The following EFEMP1 variants were observed in gnomAD, a reference collection of about 807,000 sequenced individuals.
The protein encoded by EFEMP1 is EGF-containing fibulin-like extracellular matrix protein 1.
EFEMP1 carries 18 observed loss-of-function variants against 65.7 expected under a neutral mutation model. The observed-to-expected ratio is 0.27, with a 90% CI of 0.19 to 0.41. The LOEUF (loss-of-function observed/expected upper bound fraction) is 0.41, where lower values mean the gene tolerates loss of function less well. EFEMP1 is among the 10% of genes least tolerant of loss of function. The pLI is 1.00. For missense variants in EFEMP1, 469 were observed against 624.8 expected, an observed-to-expected ratio of 0.75 and a Z score of 2.66; for synonymous variants, 237 against 219.7, an observed-to-expected ratio of 1.08 and a Z score of -0.70.
intron 5 of EFEMP1, among the ~76,000 whole-genome samples, chr2:55,915,876 C>T (rs1199883897): frequency 1.3e-5 from 2 of 151,988 alleles, no homozygotes; most frequent in Non-Finnish European, 2.9e-5. Flanking sequence ...ATCATTTTAT[C>T]TCCTTGACAT....
intron 6 of EFEMP1, among the ~76,000 whole-genome samples, chr2:55,880,538 A>G (rs72807775): frequency 0.029 from 4,410 of 152,316 alleles, 124 homozygotes; most frequent in South Asian, 0.14. Flanking sequence ...GCACAGCCCT[A>G]TGGCAGACAG....
In EFEMP1 at chr2:55,883,148, AG is replaced by A. The variant is rs767167374; in HGVS notation, c.518-1415del. ...AGGGAGGGGAGATGAAAAATACTTG[AG>A]TGATGTATGGCTATTTATTGGATAA... On this transcript the variant is annotated intron_variant, in intron 5 of 11. Coordinates refer to ENST00000355426, the MANE Select transcript of EFEMP1 (RefSeq NM_001039348.3). This position sits in a 1 kb window ranked among gnomAD's most constrained non-coding sequence, Gnocchi z 4.5. Among the ~76,000 whole-genome samples, 1 of 152,314 alleles carries A rather than the reference AG, an allele frequency of 6.6e-6. No individual in the cohort carries two copies. Among genetic ancestry groups the A allele is most frequent in the Non-Finnish European group, 1.5e-5 (1 of 68,024 alleles).
intron 5 of EFEMP1, among the ~76,000 whole-genome samples, chr2:55,888,928 G>A (rs778806955): frequency 8.5e-5 from 13 of 152,144 alleles, no homozygotes; most frequent in Non-Finnish European, 1.5e-4. Flanking sequence ...CCTGGTTCCC[G>A]GCCACTTGAT....
intron 5 of EFEMP1, among the ~76,000 whole-genome samples, chr2:55,896,197 G>A (rs1273657788): frequency 6.6e-6 from 1 of 152,168 alleles, no homozygotes; most frequent in African/African-American, 2.4e-5. Flanking sequence ...AACATTTGAC[G>A]CTTCCATAGT....
intron 3 of EFEMP1, among the ~76,000 whole-genome samples, chr2:55,920,766 A>C (rs1479725254): frequency 6.6e-6 from 1 of 152,200 alleles, no homozygotes; most frequent in Non-Finnish European, 1.5e-5. Context: ...CCATTAGTGG[A>C]AGGAAGATGA....
At chr2:55,881,881 AT>A in intron 5 of EFEMP1, 147 bp from the exon 6 acceptor site, 4 of 1,109,376 alleles carry the variant, frequency 3.6e-6, no homozygotes, top group Non-Finnish European at 4.0e-6. Context: ...ATTATAAATT[AT>A]TTCAAGTGTT....
intron 5 of EFEMP1, among the ~76,000 whole-genome samples, chr2:55,889,245 T>G (rs1669544427): frequency 6.6e-6 from 1 of 152,190 alleles, no homozygotes; most frequent in Non-Finnish European, 1.5e-5. Flanking sequence ...TGAAACCAAT[T>G]ACATTATGCT....
Position 55,923,219 on chromosome 2 carries a change from T to G in EFEMP1, c.-48-280A>C, listed in dbSNP as rs1670969922. 6.6e-6 allele frequency among the ~76,000 whole-genome samples: 1 copy of G among 152,136 alleles called. No individual in the cohort carries two copies. The highest frequency in any genetic ancestry group is 6.5e-5 in the Admixed American group (1 of 15,274). ...AGTCTGGGTCCCCGACACGCTACCT[T>G]CGGTTTCAGGCTGCCTAGGACCGGA... On this transcript the variant is annotated intron_variant, in intron 1 of 11. Transcript: ENST00000355426. This position sits in a 1 kb window ranked among gnomAD's most constrained non-coding sequence, Gnocchi z 5.3.
Position 55,883,316 on chromosome 2 carries a change from T to A in EFEMP1, c.518-1582A>T, listed in dbSNP as rs536026436. On this transcript the variant is annotated intron_variant, in intron 5 of 11. Transcript: ENST00000355426. The surrounding 1 kb of genome is among the most constrained non-coding windows in gnomAD (Gnocchi z 4.5). ...TCAAGTCAGTGATTACAAACTGTCC[T>A]TTTTAGGTACTATGCGATGGTGCAA... Among the ~76,000 whole-genome samples the A allele has an allele frequency of 6.6e-6, 1 of 152,346 alleles. No homozygotes were observed. The highest frequency in any genetic ancestry group is 1.9e-4 in the East Asian group (1 of 5,184).
Position 55,874,966 on chromosome 2 carries a change from A to T in EFEMP1, c.980T>A (p.Val327Glu). The T allele has an allele frequency of 6.2e-7, 1 of 1,606,350 alleles. No individual in the cohort carries two copies. Among genetic ancestry groups the T allele is most frequent in the Non-Finnish European group, 8.5e-7 (1 of 1,175,358 alleles). ...CTTACCTTGACATGTTCTACTTCTC[A>T]CCACTTGGTATCCCTGGGGGCACAT... is the stretch of plus-strand genomic sequence containing the variant. ...SCMCPQGYQV[V>E]RSRTCQDINE... The change falls in exon 9 of 12, where the codon GTG (valine) becomes GAG (glutamate). Residue 327 changes from valine to glutamate, a missense_variant. Around this residue, in one of 3 missense-constraint regions of EFEMP1, gnomAD observed 399 missense variants for 528.2 expected, o/e 0.76. Transcript: ENST00000355426.
At chr2:55,897,610 G>C (rs1669876744) in intron 5 of EFEMP1, among the ~76,000 whole-genome samples, 1 of 152,196 alleles carries the variant, frequency 6.6e-6, no homozygotes, top group Non-Finnish European at 1.5e-5. Context: ...TCGAAATCCA[G>C]TTAAAATTCT....
chr2:55,873,048 GTC>G lies in EFEMP1; in HGVS notation c.1000+1896_1000+1897del, dbSNP rs963201128. ...TGTCTATGTGTATGTGTATTCTTTTGTCTCTCTGTCTCTCTCTCCACACACAC... is the reference window on the plus strand; with the variant it reads ...TGTCTATGTGTATGTGTATTCTTTTGTCTCTGTCTCTCTCTCCACACACAC... On this transcript the variant is annotated intron_variant, in intron 9 of 11. Coordinates refer to ENST00000355426, the MANE Select transcript of EFEMP1 (RefSeq NM_001039348.3). The surrounding 1 kb of genome is among the most constrained non-coding windows in gnomAD (Gnocchi z 4.6). Among the ~76,000 whole-genome samples, 4 of 121,226 alleles carry G rather than the reference GTC, an allele frequency of 3.3e-5. No homozygotes were observed. Among genetic ancestry groups the G allele is most frequent in the African/African-American group, 1.3e-4 (4 of 30,784 alleles). The allele number at this position is 121,226 out of a possible 152,430, so 79.5% of individuals were successfully genotyped here.
At position 55,888,715 on chromosome 2, in the gene EFEMP1, G is replaced by A. The variant is rs372648917; in HGVS notation, c.518-6981C>T. Among the ~76,000 whole-genome samples the A allele has an allele frequency of 2.0e-5, 3 of 152,234 alleles. No homozygotes were observed. In the East Asian group the frequency reaches 5.8e-4, roughly 29 times the overall value. ...ATTCATCAGTCTGCTACCTTGTGGA[G>A]GTAAACCTGTATTTTGAAACAAACA... On this transcript the variant is annotated intron_variant, in intron 5 of 11. Transcript: ENST00000355426.
In EFEMP1 at chr2:55,911,029, G is replaced by C. The variant is rs577698591; in HGVS notation, c.517+6636C>G. ...TAGGTATCACTTAGCATCAGTCATT[G>C]CCATAGCCAGAATAAAAATTAGAGT... On this transcript the variant is annotated intron_variant, in intron 5 of 11. Transcript: ENST00000355426. Among the ~76,000 whole-genome samples the C allele has an allele frequency of 2.0e-5, 3 of 152,306 alleles. No homozygotes were observed. The East Asian group carries it at 5.8e-4, about 29-fold the overall frequency.
chr2:55,875,164 A>G (rs1440214447), intron 8 of EFEMP1, 99 bp from the exon 9 acceptor site: 3 of 508,704 alleles, frequency 5.9e-6, no homozygotes, highest in Non-Finnish European at 8.3e-6. Flanking sequence ...TATATAAATT[A>G]TAAGATTTAA....
At position 55,921,876 on chromosome 2, in the gene EFEMP1, T is replaced by C. The variant is rs924211935; in HGVS notation, c.81+484A>G. 4.9e-5 allele frequency: 9 copies of C among 183,818 alleles called. No homozygotes were observed. The highest frequency in any genetic ancestry group is 1.9e-4 in the African/African-American group (8 of 42,406). The allele number at this position is 183,818 out of a possible 1,614,324, so 11.4% of individuals were successfully genotyped here. A position where few individuals can be genotyped will look rare whatever the true frequency, so the allele number is the denominator to read the frequency against. ...TCAAGTTATACAAAAAGAATGAATA[T>C]ATAGCCTTTATAAATTCAATAAAGG... On this transcript the variant is annotated intron_variant, in intron 3 of 11. Transcript: ENST00000355426. This position sits in a 1 kb window ranked among gnomAD's most constrained non-coding sequence, Gnocchi z 4.1.
intron 6 of EFEMP1, among the ~76,000 whole-genome samples, chr2:55,880,702 A>G (rs1669206561): frequency 6.6e-6 from 1 of 152,194 alleles, no homozygotes; most frequent in South Asian, 2.1e-4. Context: ...TGTGGTAAGA[A>G]GGGGTATGTA....
In EFEMP1 at chr2:55,886,427, AAAG is replaced by A. The variant is rs1669422872; in HGVS notation, c.518-4696_518-4694del. On this transcript the variant is annotated intron_variant, in intron 5 of 11. Transcript: ENST00000355426. This position sits in a 1 kb window ranked among gnomAD's most constrained non-coding sequence, Gnocchi z 4.0. ...TGCTATCCTGTGAACTCTTGTGGTT[AAAG>A]AAAAGATAGTGGTTAAATTCAAGTT... 6.6e-6 allele frequency among the ~76,000 whole-genome samples: 1 copy of A among 152,204 alleles called. No individual in the cohort carries two copies. The highest frequency in any genetic ancestry group is 2.1e-4 in the South Asian group (1 of 4,832).
rs186084452 is a variant in EFEMP1 at position 55,899,375 on chromosome 2, G to A, written c.518-17641C>T. Among the ~76,000 whole-genome samples, 352 of 152,346 alleles carry A rather than the reference G, an allele frequency of 2.3e-3. 2 individuals carry two copies. The highest frequency in any genetic ancestry group is 0.018 in the South Asian group (85 of 4,828). On this transcript the variant is annotated intron_variant, in intron 5 of 11. Coordinates refer to ENST00000355426, the MANE Select transcript of EFEMP1 (RefSeq NM_001039348.3). ...TAGGCTTCTAGTACAGTTTGAACAC[G>A]TGTTAATTGAATGCATTGATGCATG... is the stretch of plus-strand genomic sequence containing the variant.
Sources: allele counts gnomAD v4.1 joint callset (sites outside exome capture counted in the v4.1 genomes callset), GRCh38; gene constraint gnomAD v4.1.1; regional missense constraint gnomAD v4.1.1; non-coding constraint Gnocchi (gnomAD v3.1); transcripts MANE v1.5; gene names NCBI Gene and HGNC (gene_info 2026-07-23, HGNC 2026-07-21).